Variants in BAALC observed in about 807,000 individuals in gnomAD.
The protein encoded by BAALC is BAALC binder of MAP3K1 and KLF4.
A neutral mutation model predicts 15.5 loss-of-function variants in BAALC; 9 were observed. The ratio of observed to expected loss-of-function variants is 0.58; its 90% confidence interval spans 0.35 to 1.02. BAALC has a LOEUF of 1.02. Among genes scored for constraint, BAALC ranks in the 50% least tolerant of loss-of-function variants. The pLI is 0.02. For missense variants in BAALC, 201 were observed against 192.4 expected (o/e 1.04, Z -0.27); for synonymous variants, 80 against 74.6 (o/e 1.07, Z -0.37).
chr8:103,224,231 T>C (rs1247247052), intron 2 of BAALC, among the ~76,000 whole-genome samples: 1 of 152,070 alleles, frequency 6.6e-6, no homozygotes, highest in Admixed American at 6.5e-5. Context: ...TTTGAAGAGA[T>C]TTATTCTGAG....
Position 103,213,027 on chromosome 8 carries a change from C to A in BAALC, c.269C>A (p.Pro90His). The A allele has an allele frequency of 6.2e-7, 1 of 1,614,088 alleles. No individual in the cohort carries two copies. The highest frequency in any genetic ancestry group is 8.5e-7 in the Non-Finnish European group (1 of 1,179,980). Residue 90 changes from proline (P) to histidine (H), a missense_variant, in exon 2 of 3, where the codon CCC (proline) becomes CAC (histidine). Transcript: ENST00000309982. ...AACTGTGAGACCCAGTGCCCAAATC[C>A]CCAGAGCCTCAGCTCAGGCCCTCTG... is the stretch of plus-strand genomic sequence containing the variant. ...KTNCETQCPN[P>H]QSLSSGPLTQ...
At chr8:103,172,815 C>G (rs933013615) in intron 1 of BAALC, among the ~76,000 whole-genome samples, 3 of 152,088 alleles carry the variant, frequency 2.0e-5, no homozygotes, top group Non-Finnish European at 2.9e-5. Flanking sequence ...CTGGGGATAA[C>G]TTGAATGCTT....
At chr8:103,199,474 C>T (rs1177646303) in intron 1 of BAALC, among the ~76,000 whole-genome samples, 4 of 151,490 alleles carry the variant, frequency 2.6e-5, no homozygotes, top group Admixed American at 6.6e-5. Context: ...TTTTATATTC[C>T]CCTCTAACAG....
Position 103,146,048 on chromosome 8 carries a change from T to C in BAALC, c.160+4991T>C, listed in dbSNP as rs79528745. On this transcript the variant is annotated intron_variant, in intron 1 of 2. Transcript: ENST00000309982. The stretch of plus-strand genomic sequence containing the variant: ...TGCTCTTTTGTTCACTGAATAGACA[T>C]TTGGCACAAAGATGACCTGAAGAAG... 8.3e-3 allele frequency among the ~76,000 whole-genome samples: 1,268 copies of C among 152,292 alleles called. 23 individuals carry two copies. Among genetic ancestry groups the C allele is most frequent in the African/African-American group, 0.029 (1,211 of 41,568 alleles).
rs1302463521 is a variant in BAALC, at chr8:103,171,397, G to C, written c.160+30340G>C. On this transcript the variant is annotated intron_variant, in intron 1 of 2. Transcript: ENST00000309982. Reference sequence around the variant, plus strand: ...AAAGAAAGGCAAGAGAGGAAGGAAGGAAGGAAAGAAAGAAAAGAGAGAGAA... The same window carrying C: ...AAAGAAAGGCAAGAGAGGAAGGAAGCAAGGAAAGAAAGAAAAGAGAGAGAA... 5.3e-5 allele frequency among the ~76,000 whole-genome samples: 7 copies of C among 133,122 alleles called. No homozygotes were observed. The East Asian group carries it at 1.5e-3, about 28-fold the overall frequency. 87.3% of individuals were successfully genotyped at this position (133,122 alleles called of 152,430 possible).
chr8:103,222,524 T>TA (rs568757206), intron 2 of BAALC, among the ~76,000 whole-genome samples: 211 of 152,198 alleles, frequency 1.4e-3, no homozygotes, highest in African/African-American at 4.7e-3. Context: ...TTGGGCAAGA[T>TA]AAAAAAATCA....
In BAALC at chr8:103,197,915, T is replaced by C. The variant is rs145668001; in HGVS notation, c.161-15004T>C. ...CACGGGATTACATTTCAAGACGAGA[T>C]TTGGAGGAGACAAGTATCAAAACTA... On this transcript the variant is annotated intron_variant, in intron 1 of 2. Coordinates refer to ENST00000309982, the MANE Select transcript of BAALC (RefSeq NM_024812.3). 1.9e-3 allele frequency among the ~76,000 whole-genome samples: 285 copies of C among 152,286 alleles called. 2 individuals are homozygous for C. The highest frequency in any genetic ancestry group is 6.7e-3 in the African/African-American group (278 of 41,556).
chr8:103,221,040 G>A (rs1008189954), intron 2 of BAALC, among the ~76,000 whole-genome samples: 1 of 152,168 alleles, frequency 6.6e-6, no homozygotes, highest in Non-Finnish European at 1.5e-5. Context: ...AAAGGTATCT[G>A]CAGTCTTGAA....
chr8:103,210,454 T>C (rs1284786742), intron 1 of BAALC, among the ~76,000 whole-genome samples: 1 of 152,250 alleles, frequency 6.6e-6, no homozygotes, highest in Non-Finnish European at 1.5e-5. Flanking sequence ...GCCATCTCAC[T>C]GTGTGGGAAC....
chr8:103,155,482 C>T (rs1165329975), intron 1 of BAALC, among the ~76,000 whole-genome samples: 1 of 152,174 alleles, frequency 6.6e-6, no homozygotes, highest in Non-Finnish European at 1.5e-5. Context: ...GAAGACTGGG[C>T]CTTTTTACCC....
intron 1 of BAALC, among the ~76,000 whole-genome samples, chr8:103,142,157 G>A (rs1209169219): frequency 2.6e-5 from 4 of 152,210 alleles, no homozygotes; most frequent in Non-Finnish European, 5.9e-5. Context: ...TATGGAAGAG[G>A]AAGGAAATGC....
At chr8:103,184,189 G>A (rs1013240604) in intron 1 of BAALC, among the ~76,000 whole-genome samples, 1 of 152,122 alleles carries the variant, frequency 6.6e-6, no homozygotes, top group African/African-American at 2.4e-5. Flanking sequence ...AAGGACTTTG[G>A]TGATTACATT....
intron 1 of BAALC, among the ~76,000 whole-genome samples, chr8:103,141,927 G>C (rs112482932): frequency 0.014 from 2,112 of 152,266 alleles, 45 homozygotes; most frequent in African/African-American, 0.049. Flanking sequence ...ATAGCGCAGA[G>C]ATGCAAACTG....
intron 1 of BAALC, among the ~76,000 whole-genome samples, chr8:103,167,199 C>T (rs994102485): frequency 2.0e-5 from 3 of 152,186 alleles, no homozygotes; most frequent in African/African-American, 7.2e-5. Context: ...TCCTTTCAGA[C>T]AGGGCAGTGG....
chr8:103,178,855 T>G (rs988923261), intron 1 of BAALC, among the ~76,000 whole-genome samples: 3 of 137,316 alleles, frequency 2.2e-5, no homozygotes, highest in African/African-American at 5.5e-5. Context: ...AGAGTGAGAC[T>G]CTGTCTCAAA....
intron 1 of BAALC, among the ~76,000 whole-genome samples, chr8:103,212,035 T>A (rs1049408652): frequency 6.6e-6 from 1 of 152,234 alleles, no homozygotes; most frequent in Admixed American, 6.5e-5. Context: ...AACTCCTCAG[T>A]GTAGTCCTCT....
At chr8:103,211,651 C>T (rs1374044727) in intron 1 of BAALC, among the ~76,000 whole-genome samples, 1 of 152,136 alleles carries the variant, frequency 6.6e-6, no homozygotes, top group Non-Finnish European at 1.5e-5. Context: ...ACTGAAGTTT[C>T]CTGCTAGAAT....
rs1286895470 is a variant in BAALC, at chr8:103,140,988, A to G, written c.91A>G (p.Thr31Ala). Residue 31 changes from threonine (T) to alanine (A), a missense_variant, in exon 1 of 3, where the codon ACC becomes GCC. By Grantham distance (58) the Thr-to-Ala change is moderately conservative (BLOSUM62 0). Coordinates refer to ENST00000309982, the MANE Select transcript of BAALC (RefSeq NM_024812.3). The surrounding 1 kb of genome is among the most constrained non-coding windows in gnomAD (Gnocchi z 4.2). ...RETESTWLTY[T>A]DSDAPPSAAA... Reference sequence around the variant, plus strand: ...GACAGAATCCACCTGGCTCACCTACACCGACTCGGACGCGCCGCCCAGCGC... The same window carrying G: ...GACAGAATCCACCTGGCTCACCTACGCCGACTCGGACGCGCCGCCCAGCGC... 9.8e-6 allele frequency: 15 copies of G among 1,532,258 alleles called. No individual in the cohort carries two copies. Among genetic ancestry groups the G allele is most frequent in the Non-Finnish European group, 7.9e-6 (9 of 1,140,690 alleles). 94.9% of individuals were successfully genotyped at this position (1,532,258 alleles called of 1,614,324 possible). A position where few individuals can be genotyped will look rare whatever the true frequency, so the allele number is the denominator to read the frequency against.
intron 1 of BAALC, among the ~76,000 whole-genome samples, chr8:103,151,934 C>T (rs12056711): frequency 0.36 from 54,122 of 151,766 alleles, 9,722 homozygotes; most frequent in Middle Eastern, 0.48. Flanking sequence ...TAACCATATA[C>T]GGGAACCTCA....
Sources: gnomAD v4.1 joint callset for allele counts (sites outside exome capture counted in the v4.1 genomes callset) on GRCh38, gnomAD v4.1.1 for gene constraint, Gnocchi (gnomAD v3.1) non-coding constraint, MANE v1.5 for transcripts, NCBI Gene and HGNC (gene_info 2026-07-23, HGNC 2026-07-21) for gene names.